Variants in ZNF644 observed in about 807,000 individuals in gnomAD.
The protein encoded by ZNF644 is zinc finger protein 644.
ZNF644 carries 20 observed loss-of-function variants against 108.0 expected under a neutral mutation model. The observed-to-expected ratio is 0.19, with a 90% CI of 0.13 to 0.27. The LOEUF (loss-of-function observed/expected upper bound fraction) is 0.27. Ranked by LOEUF, ZNF644 falls within the 10% of genes least tolerant of loss-of-function variation. The pLI, the probability that ZNF644 is intolerant of heterozygous loss-of-function variation, is 1.00. For missense variants in ZNF644, 1,338 were observed against 1,548.9 expected (o/e 0.86, Z 2.29); for synonymous variants, 542 against 539.1 (o/e 1.01, Z -0.08).
chr1:90,917,978 C>G, intron 5 of ZNF644, 74 bp downstream of exon 5: 1 of 1,279,966 alleles, frequency 7.8e-7, no homozygotes, highest in Admixed American at 1.7e-5. Flanking sequence ...ATTAAAAATC[C>G]CAAATGAAAT....
intron 1 of ZNF644, among the ~76,000 whole-genome samples, chr1:90,987,418 T>C (rs141708721): frequency 2.0e-5 from 3 of 151,666 alleles, no homozygotes; most frequent in East Asian, 1.9e-4. Context: ...ACATCAACAA[T>C]TGAATAATCT....
chr1:90,927,004 T>C (rs1650111599), intron 4 of ZNF644, among the ~76,000 whole-genome samples: 1 of 152,320 alleles, frequency 6.6e-6, no homozygotes, highest in South Asian at 2.1e-4. Context: ...CCTTACCTCC[T>C]ACTTCCTAGT....
At chr1:90,998,811 G>C (rs901524715) in intron 1 of ZNF644, among the ~76,000 whole-genome samples, 1 of 152,174 alleles carries the variant, frequency 6.6e-6, no homozygotes, top group Non-Finnish European at 1.5e-5. Flanking sequence ...AAAAAGACTA[G>C]ACAAATGGCT....
chr1:90,933,289 C>T (rs1650943111), intron 4 of ZNF644, among the ~76,000 whole-genome samples: 1 of 152,034 alleles, frequency 6.6e-6, no homozygotes, highest in African/African-American at 2.4e-5. Context: ...CTAATTTAGG[C>T]CTAAGCACTT....
chr1:91,003,209 C>T (rs1659060760), intron 1 of ZNF644, among the ~76,000 whole-genome samples: 1 of 152,096 alleles, frequency 6.6e-6, no homozygotes, highest in South Asian at 2.1e-4. Flanking sequence ...ATAAATCATG[C>T]TGCTATAAAG....
Position 90,938,166 on chromosome 1 carries a change from A to C in ZNF644, c.3083-76T>G, listed in dbSNP as rs898731701. Reference sequence around the variant, plus strand: ...CACCCTAAAATGAGTTAATTCTGAAACATAAAATTATGATTCTAATAAAGA... The same window carrying C: ...CACCCTAAAATGAGTTAATTCTGAACCATAAAATTATGATTCTAATAAAGA... On this transcript the variant is annotated intron_variant, in intron 3 of 5. Coordinates refer to ENST00000337393, the MANE Select transcript of ZNF644 (RefSeq NM_201269.3). The surrounding 1 kb of genome is among the most constrained non-coding windows in gnomAD (Gnocchi z 4.2). 10 of 1,605,150 alleles carry C rather than the reference A, an allele frequency of 6.2e-6. No homozygotes were observed. The highest frequency in any genetic ancestry group is 1.7e-4 in the Middle Eastern group (1 of 6,024).
intron 1 of ZNF644, among the ~76,000 whole-genome samples, chr1:90,996,542 T>A (rs1259647548): frequency 6.6e-6 from 1 of 152,178 alleles, no homozygotes; most frequent in Non-Finnish European, 1.5e-5. Flanking sequence ...CCCAACTACT[T>A]GAGAGGCTGA....
At chr1:90,935,190 T>C (rs985005507) in intron 4 of ZNF644, among the ~76,000 whole-genome samples, 6 of 152,282 alleles carry the variant, frequency 3.9e-5, no homozygotes, top group Non-Finnish European at 8.8e-5. Context: ...TAATTTTTTT[T>C]CCCCCAAATT....
At chr1:90,937,265 C>A (rs1651422548) in intron 4 of ZNF644, among the ~76,000 whole-genome samples, 2 of 151,902 alleles carry the variant, frequency 1.3e-5, no homozygotes, top group South Asian at 4.1e-4. Context: ...ACCTTACATT[C>A]AGACCAAGAA....
intron 4 of ZNF644, among the ~76,000 whole-genome samples, chr1:90,926,867 A>T (rs917383194): frequency 6.6e-6 from 1 of 152,198 alleles, no homozygotes; most frequent in Non-Finnish European, 1.5e-5. Context: ...TTTATTTAAA[A>T]AGCAATTTCA....
At chr1:90,943,436 G>A (rs924205501) in intron 2 of ZNF644, among the ~76,000 whole-genome samples, 5 of 152,096 alleles carry the variant, frequency 3.3e-5, no homozygotes, top group African/African-American at 7.2e-5. Flanking sequence ...GTGAGACTCC[G>A]TCTCAAAAAA....
At chr1:90,988,119 T>C (rs1657288940) in intron 1 of ZNF644, among the ~76,000 whole-genome samples, 1 of 152,122 alleles carries the variant, frequency 6.6e-6, no homozygotes, top group African/African-American at 2.4e-5. Context: ...AAAATTACCC[T>C]GGTTCTCAGA....
chr1:90,939,322 G>A lies in ZNF644; in HGVS notation c.2032C>T (p.His678Tyr). The A allele has an allele frequency of 6.2e-7, 1 of 1,613,954 alleles. No individual in the cohort carries two copies. The highest frequency in any genetic ancestry group is 1.1e-5 in the South Asian group (1 of 91,060). Residue 678 changes from histidine to tyrosine, a missense_variant, in exon 3 of 6, where the codon CAT becomes TAT. By Grantham distance (83) the His-to-Tyr change is moderately conservative. Around this residue, in one of 6 missense-constraint regions of ZNF644, gnomAD observed 462 missense variants for 472.6 expected, o/e 0.98. Transcript: ENST00000337393. ...TSQSSSFSKI[H>Y]KRPHRIQKAR... ...TTCTGTATTCTGTGTGGCCGCTTAT[G>A]AATTTTTGAAAAACTACTTGATTGT...
intron 4 of ZNF644, 101 bp from the exon 5 acceptor site, chr1:90,918,255 T>C (rs1649027689): frequency 5.2e-6 from 5 of 966,794 alleles, no homozygotes; most frequent in South Asian, 1.4e-5. Context: ...CTAAATCAGT[T>C]AGAAAAAGTC....
chr1:90,976,050 TAC>T (rs1406167483), intron 2 of ZNF644, among the ~76,000 whole-genome samples: 2 of 152,206 alleles, frequency 1.3e-5, no homozygotes, highest in Non-Finnish European at 2.9e-5. Flanking sequence ...TGAACTTCAG[TAC>T]ATTTAAGAAA....
intron 4 of ZNF644, chr1:90,918,459 G>A (rs183149846): frequency 6.1e-5 from 16 of 264,276 alleles, no homozygotes; most frequent in African/African-American, 2.6e-4. Flanking sequence ...TAACTTGAAA[G>A]TACTAAATTG....
intron 2 of ZNF644, among the ~76,000 whole-genome samples, chr1:90,960,562 T>C (rs906004704): frequency 6.6e-6 from 1 of 152,182 alleles, no homozygotes; most frequent in Admixed American, 6.5e-5. Flanking sequence ...TCGTATGTAA[T>C]GTGAATTTTA....
At chr1:91,009,612 A>C (rs1172897862) in intron 1 of ZNF644, among the ~76,000 whole-genome samples, 1 of 152,224 alleles carries the variant, frequency 6.6e-6, no homozygotes, top group African/African-American at 2.4e-5. Flanking sequence ...ACAAATTATA[A>C]TGTCTCTTAA....
Position 90,916,899 on chromosome 1 carries a change from G to A in ZNF644, c.3883C>T (p.Arg1295Trp), listed in dbSNP as rs373494606. The change falls in exon 6 of 6, where the codon CGG becomes TGG. Residue 1295 changes from arginine to tryptophan, a missense_variant. Arg to Trp is a moderately radical substitution (Grantham distance 101, BLOSUM62 -3). Around this residue, in one of 6 missense-constraint regions of ZNF644, gnomAD observed 34 missense variants for 78.6 expected, o/e 0.43. Transcript: ENST00000337393. ...QRHIVNANLPRTGAGMVEVTS... is the reference protein window; with the variant it reads ...QRHIVNANLPWTGAGMVEVTS... ...ACTTCCACCATGCCAGCTCCAGTCC[G>A]TGGAAGATTAGCGTTTACAATATGT... 1.9e-6 allele frequency: 3 copies of A among 1,614,048 alleles called. No individual in the cohort carries two copies. Among genetic ancestry groups the A allele is most frequent in the Non-Finnish European group, 1.7e-6 (2 of 1,180,046 alleles).
Sources: allele counts gnomAD v4.1 joint callset (sites outside exome capture counted in the v4.1 genomes callset), GRCh38; gene constraint gnomAD v4.1.1; regional missense constraint gnomAD v4.1.1; non-coding constraint Gnocchi (gnomAD v3.1); transcripts MANE v1.5; gene names NCBI Gene and HGNC (gene_info 2026-07-23, HGNC 2026-07-21).